CHRM5: variants seen among roughly 807,000 people sequenced by gnomAD.
CHRM5 encodes the protein muscarinic acetylcholine receptor M5.
A neutral mutation model predicts 39.0 loss-of-function variants in CHRM5; 18 were observed. The observed-to-expected ratio is 0.46, with a 90% CI of 0.32 to 0.68. CHRM5 has a LOEUF of 0.68. Ranked by LOEUF, CHRM5 falls within the 30% of genes least tolerant of loss-of-function variation. CHRM5 has a pLI of 0.04. For missense variants in CHRM5, 515 were observed against 651.1 expected, an observed-to-expected ratio of 0.79 and a Z score of 2.28; for synonymous variants, 241 against 246.3, an observed-to-expected ratio of 0.98 and a Z score of 0.20.
intron 1 of CHRM5, among the ~76,000 whole-genome samples, chr15:34,006,649 T>C (rs1897357347): frequency 6.6e-6 from 1 of 152,214 alleles, no homozygotes; most frequent in Non-Finnish European, 1.5e-5. Flanking sequence ...CAAGTGTTTA[T>C]AATAGGCTGA....
intron 1 of CHRM5, among the ~76,000 whole-genome samples, chr15:34,008,985 A>C (rs1897511864): frequency 6.7e-6 from 1 of 148,256 alleles, no homozygotes; most frequent in Non-Finnish European, 1.5e-5. Context: ...CAGACCATCG[A>C]GAAAACACTG....
chr15:33,970,694 G>C (rs535473174), intron 1 of CHRM5, among the ~76,000 whole-genome samples: 1 of 151,954 alleles, frequency 6.6e-6, no homozygotes, highest in Admixed American at 6.5e-5. Context: ...TTGGACAAAA[G>C]TATGAAATTT....
chr15:34,053,952 A>C (rs1485106486), intron 2 of CHRM5, among the ~76,000 whole-genome samples: 2 of 152,184 alleles, frequency 1.3e-5, no homozygotes, highest in Non-Finnish European at 2.9e-5. Context: ...TAATATCCAG[A>C]ATCTACAAGG....
intron 1 of CHRM5, among the ~76,000 whole-genome samples, chr15:33,971,801 T>C (rs1160565424): frequency 1.3e-5 from 2 of 152,108 alleles, no homozygotes; most frequent in East Asian, 3.9e-4. Flanking sequence ...TTCCTTATTA[T>C]GGTTAATTTT....
intron 1 of CHRM5, among the ~76,000 whole-genome samples, chr15:34,045,755 C>T (rs1424935864): frequency 6.6e-6 from 1 of 152,076 alleles, no homozygotes; most frequent in Non-Finnish European, 1.5e-5. Context: ...TAGGAAAAGC[C>T]TCAAAAGTTG....
At chr15:34,002,783 C>CT in intron 1 of CHRM5, among the ~76,000 whole-genome samples, 1 of 152,298 alleles carries the variant, frequency 6.6e-6, no homozygotes, top group Middle Eastern at 3.4e-3. Flanking sequence ...GCTTTTTCCA[C>CT]TTATAGAAAG....
chr15:34,035,040 C>A (rs1361734401), intron 1 of CHRM5, among the ~76,000 whole-genome samples: 4 of 152,174 alleles, frequency 2.6e-5, no homozygotes, highest in Admixed American at 2.6e-4. Flanking sequence ...GATCTGACAC[C>A]ATTTCTTCCC....
At chr15:34,015,398 C>G (rs1412953434) in intron 1 of CHRM5, among the ~76,000 whole-genome samples, 1 of 152,008 alleles carries the variant, frequency 6.6e-6, no homozygotes, top group African/African-American at 2.4e-5. Context: ...AGGAGAATAG[C>G]GTGAACCCGG....
intron 2 of CHRM5, among the ~76,000 whole-genome samples, chr15:34,054,020 G>A (rs1900039790): frequency 6.6e-6 from 1 of 152,002 alleles, no homozygotes. Context: ...CAAAGAACCT[G>A]TATGAACAAA....
At chr15:34,009,163 G>C (rs1297818767) in intron 1 of CHRM5, among the ~76,000 whole-genome samples, 1 of 151,934 alleles carries the variant, frequency 6.6e-6, no homozygotes, top group African/African-American at 2.4e-5. Flanking sequence ...ATACAAAAAA[G>C]CTATCTTTCA....
intron 1 of CHRM5, chr15:34,038,875 C>CCCGGCCACGGCCACGGCCCCGGCGT (rs1899308343): frequency 8.7e-7 from 1 of 1,147,402 alleles, no homozygotes; most frequent in African/African-American, 1.7e-5. Context: ...CCGCGGAAGC[C>CCCGGCCACGGCCACGGCCCCGGCGT]CCGGCCACGG....
At chr15:33,985,076 G>C (rs517078) in intron 1 of CHRM5, among the ~76,000 whole-genome samples, 2 of 151,874 alleles carry the variant, frequency 1.3e-5, no homozygotes, top group Non-Finnish European at 2.9e-5. Flanking sequence ...ACACTGAACT[G>C]TATTTGTTGG....
chr15:34,029,948 T>C (rs1386991722), intron 1 of CHRM5, among the ~76,000 whole-genome samples: 1 of 152,090 alleles, frequency 6.6e-6, no homozygotes, highest in Non-Finnish European at 1.5e-5. Context: ...GAACTCTAGA[T>C]TCACAATAGA....
At chr15:34,019,308 T>C (rs905216384) in intron 1 of CHRM5, among the ~76,000 whole-genome samples, 1 of 152,228 alleles carries the variant, frequency 6.6e-6, no homozygotes, top group Non-Finnish European at 1.5e-5. Flanking sequence ...CAAAAGCTTA[T>C]AAAGATATAT....
At chr15:33,978,276 A>G (rs1404782414) in intron 1 of CHRM5, among the ~76,000 whole-genome samples, 1 of 152,252 alleles carries the variant, frequency 6.6e-6, no homozygotes, top group East Asian at 1.9e-4. Context: ...ACTAGACTAC[A>G]GCAAACCCAC....
At chr15:33,993,143 T>A (rs1896797066) in intron 1 of CHRM5, among the ~76,000 whole-genome samples, 1 of 152,294 alleles carries the variant, frequency 6.6e-6, no homozygotes, top group South Asian at 2.1e-4. Flanking sequence ...ATTCAATGAT[T>A]TGACTTTTGG....
chr15:34,023,935 A>G (rs1039991499), intron 1 of CHRM5, among the ~76,000 whole-genome samples: 1 of 152,192 alleles, frequency 6.6e-6, no homozygotes, highest in East Asian at 1.9e-4. Context: ...CTATCCAGAG[A>G]GGAGCCCAGA....
chr15:34,031,201 T>A (rs1898791034), intron 1 of CHRM5, among the ~76,000 whole-genome samples: 1 of 114,396 alleles, frequency 8.7e-6, no homozygotes, highest in Non-Finnish European at 1.8e-5. Flanking sequence ...TGAGACTGAG[T>A]TTTGCTCTTG....
chr15:34,018,115 A>T (rs1194330984), intron 1 of CHRM5: 3 of 152,234 alleles, frequency 2.0e-5, no homozygotes, highest in African/African-American at 4.8e-5. Context: ...CTTACTTCTT[A>T]AAAAAGCTAA....
Sources: allele counts gnomAD v4.1 joint callset (sites outside exome capture counted in the v4.1 genomes callset), GRCh38; gene constraint gnomAD v4.1.1; transcripts MANE v1.5; gene names NCBI Gene and HGNC (gene_info 2026-07-23, HGNC 2026-07-21).